The following CUTC variants were observed in gnomAD, a reference collection of about 807,000 sequenced individuals.
CUTC encodes the protein copper homeostasis protein cutC homolog.
A neutral mutation model predicts 36.2 loss-of-function variants in CUTC; 27 were observed. The observed-to-expected ratio is 0.75, with a 90% CI of 0.55 to 1.03. CUTC has a LOEUF of 1.03. Ranked by LOEUF, CUTC falls within the 50% of genes least tolerant of loss-of-function variation. The pLI is 0.00. For synonymous variants in CUTC, 114 were observed against 118.3 expected (o/e 0.96, Z 0.24); for missense variants, 315 against 343.5 (o/e 0.92, Z 0.66).
chr10:99,739,326 A>C (rs2037321482), intron 2 of CUTC, among the ~76,000 whole-genome samples: 1 of 152,074 alleles, frequency 6.6e-6, no homozygotes, highest in African/African-American at 2.4e-5. Context: ...GTGTTTTTTA[A>C]AGCTTAGAAT....
Position 99,744,042 on chromosome 10 carries a change from T to TGCC in CUTC, c.413_415dup (p.Arg138dup). On this transcript the variant is annotated inframe_insertion, in exon 5 of 9. Transcript: ENST00000370476. The stretch of plus-strand genomic sequence containing the variant: ...ATATGACTTTCTTTTTATAGCTATT[T>TGCC]GCCGCCCTCTGCCAGTCACTTTCCA... The TGCC allele has an allele frequency of 6.2e-7, 1 of 1,612,364 alleles. No individual in the cohort carries two copies. Among genetic ancestry groups the TGCC allele is most frequent in the Non-Finnish European group, 8.5e-7 (1 of 1,179,204 alleles).
At chr10:99,736,539 A>G (rs967747377) in intron 2 of CUTC, among the ~76,000 whole-genome samples, 6 of 152,210 alleles carry the variant, frequency 3.9e-5, no homozygotes, top group Non-Finnish European at 8.8e-5. Context: ...TACTTACTCA[A>G]TGACTTGATT....
intron 3 of CUTC, among the ~76,000 whole-genome samples, chr10:99,741,524 C>CTTTCTTT (rs2037340655): frequency 6.6e-6 from 1 of 151,918 alleles, no homozygotes; most frequent in South Asian, 2.1e-4. Context: ...CCTTCCTTTC[C>CTTTCTTT]TTTCTTTTCT....
rs779549592 is a variant in CUTC at position 99,736,332 on chromosome 10, A to C, written c.133+15A>C. The C allele has an allele frequency of 1.3e-6, 2 of 1,592,144 alleles. No homozygotes were observed. Among genetic ancestry groups the C allele is most frequent in the Non-Finnish European group, 1.7e-6 (2 of 1,160,220 alleles). ...AGAAAGAGGAGGTAAGAGAAATCAG[A>C]TAGTGAATGACCGTTGGCTACCCTT... On this transcript the variant is annotated intron_variant, in intron 2 of 8. Coordinates refer to ENST00000370476, the MANE Select transcript of CUTC (RefSeq NM_015960.3).
intron 4 of CUTC, among the ~76,000 whole-genome samples, chr10:99,743,690 G>A (rs2037356867): frequency 6.6e-6 from 1 of 152,126 alleles, no homozygotes; most frequent in African/African-American, 2.4e-5. Flanking sequence ...CCACCAAGTT[G>A]GAAGATGCAA....
Position 99,747,390 on chromosome 10 carries a change from G to T in CUTC, c.573G>T (p.Gln191His). Reference protein sequence around the residue: ...GLPLIKRLIEQAKGRIVVMPG... With the variant: ...GLPLIKRLIEHAKGRIVVMPG... ...CCCTAATAAAGCGACTCATTGAGCA[G>T]GTACGTGGACTTTATCTTTTTTTCC... The change falls in exon 6 of 9, where the codon CAG (glutamine) becomes CAT (histidine). Residue 191 changes from glutamine to histidine, a missense_variant and splice_region_variant. By Grantham distance (24) the Gln-to-His change is conservative (BLOSUM62 0). Transcript: ENST00000370476. The T allele has an allele frequency of 4.3e-6, 7 of 1,614,098 alleles. No homozygotes were observed. Among genetic ancestry groups the T allele is most frequent in the Non-Finnish European group, 5.9e-6 (7 of 1,180,010 alleles).
At chr10:99,744,151 G>C in intron 5 of CUTC, 79 bp downstream of exon 5, 1 of 1,174,544 alleles carries the variant, frequency 8.5e-7, no homozygotes, top group South Asian at 1.3e-5. Flanking sequence ...CCTTTTTATG[G>C]AACACAATTC....
rs533506094 is a variant in CUTC, at chr10:99,742,574, C to T, written c.194-579C>T. 3.4e-4 allele frequency among the ~76,000 whole-genome samples: 51 copies of T among 152,130 alleles called. No individual in the cohort carries two copies. In the East Asian group the frequency reaches 9.3e-3, roughly 28 times the overall value. Reference sequence around the variant, plus strand: ...CATACTGGGTAAACAACTGATGGGGCCTGTCACAGCCTTATACTATTGATG... The same window carrying T: ...CATACTGGGTAAACAACTGATGGGGTCTGTCACAGCCTTATACTATTGATG... On this transcript the variant is annotated intron_variant, in intron 3 of 8. Coordinates refer to ENST00000370476, the MANE Select transcript of CUTC (RefSeq NM_015960.3).
At position 99,753,526 on chromosome 10, in the gene CUTC, C is replaced by A. The variant is rs545205102; in HGVS notation, c.602-1003C>A. ...CTAGGCTCAAGTGATCCTCTTACCT[C>A]AGCCTCTTGAATAGGTGGGTCTACA... On this transcript the variant is annotated intron_variant, in intron 7 of 8. Transcript: ENST00000370476. 1.3e-4 allele frequency among the ~76,000 whole-genome samples: 20 copies of A among 152,322 alleles called. No homozygotes were observed. The South Asian group carries it at 3.9e-3, about 30-fold the overall frequency.
intron 1 of CUTC, among the ~76,000 whole-genome samples, chr10:99,734,685 C>T (rs1236339383): frequency 1.3e-5 from 2 of 152,078 alleles, no homozygotes; most frequent in Non-Finnish European, 2.9e-5. Context: ...TTACATCACA[C>T]TTTGTAATAT....
At chr10:99,751,720 T>G (rs12571186) in intron 7 of CUTC, among the ~76,000 whole-genome samples, 17,347 of 151,980 alleles carry the variant, frequency 0.11, 1,175 homozygotes, top group East Asian at 0.31. Flanking sequence ...TAGCCGGCCA[T>G]GGTGGCATGT....
At chr10:99,738,153 A>G (rs2037312047) in intron 2 of CUTC, among the ~76,000 whole-genome samples, 1 of 152,108 alleles carries the variant, frequency 6.6e-6, no homozygotes, top group Non-Finnish European at 1.5e-5. Flanking sequence ...CTCAAAAAAA[A>G]AAAAAATAAG....
At chr10:99,743,878 CTT>C (rs1011212921) in intron 4 of CUTC, among the ~76,000 whole-genome samples, 157 bp from the exon 5 acceptor site, 5 of 152,100 alleles carry the variant, frequency 3.3e-5, no homozygotes, top group Admixed American at 2.0e-4. Context: ...AAAGATAAGA[CTT>C]TTGAATTTGT....
intron 5 of CUTC, 145 bp from the exon 6 acceptor site, chr10:99,747,112 T>C (rs1283959435): frequency 1.5e-5 from 13 of 855,818 alleles, no homozygotes; most frequent in Middle Eastern, 5.2e-4. Flanking sequence ...ACAATCTGAC[T>C]TGCAGAATTC....
At chr10:99,736,349 G>T (rs1278442249) in intron 2 of CUTC, 32 bp downstream of exon 2, 5 of 1,529,784 alleles carry the variant, frequency 3.3e-6, no homozygotes, top group Non-Finnish European at 4.5e-6. Context: ...ATGACCGTTG[G>T]CTACCCTTTT....
rs771985225 is a variant in CUTC, at chr10:99,754,590, C to G, written c.663C>G (p.Phe221Leu). ...TTGAGGGTTCAGGTGCTACAGAATT[C>G]CACTGTTCTGCTCGGTCTACTAGAG... Reference protein sequence around the residue: ...RILEGSGATEFHCSARSTRDS... With the variant: ...RILEGSGATELHCSARSTRDS... The change falls in exon 8 of 9, where the codon TTC becomes TTG. Residue 221 changes from phenylalanine to leucine, a missense_variant. By Grantham distance (22) the Phe-to-Leu change is conservative. Transcript: ENST00000370476. 6 of 1,613,768 alleles carry G rather than the reference C, an allele frequency of 3.7e-6. No individual in the cohort carries two copies. The highest frequency in any genetic ancestry group is 5.1e-6 in the Non-Finnish European group (6 of 1,179,756).
At chr10:99,742,106 A>G (rs2037345743) in intron 3 of CUTC, among the ~76,000 whole-genome samples, 1 of 152,136 alleles carries the variant, frequency 6.6e-6, no homozygotes, top group African/African-American at 2.4e-5. Flanking sequence ...ATCAGAATTG[A>G]CTTACTAACT....
chr10:99,749,758 T>C (rs920256612), intron 6 of CUTC, among the ~76,000 whole-genome samples: 3 of 152,184 alleles, frequency 2.0e-5, no homozygotes, highest in African/African-American at 7.2e-5. Context: ...ACTCTCTTGT[T>C]AACTTTATTT....
At chr10:99,738,389 G>GGTGTGTGTGTGT (rs10693937) in intron 2 of CUTC, among the ~76,000 whole-genome samples, 14 of 142,962 alleles carry the variant, frequency 9.8e-5, no homozygotes, top group South Asian at 2.3e-4. Context: ...ACTCATACAG[G>GGTGTGTGTGTGT]GTGTGTGTGT....
Sources: gnomAD v4.1 joint callset for allele counts (sites outside exome capture counted in the v4.1 genomes callset) on GRCh38, gnomAD v4.1.1 for gene constraint, MANE v1.5 for transcripts, NCBI Gene and HGNC (gene_info 2026-07-23, HGNC 2026-07-21) for gene names.